The following CCDC60 variants were observed in gnomAD, a reference collection of about 807,000 sequenced individuals.
The protein encoded by CCDC60 is coiled-coil domain-containing protein 60.
Under a neutral mutation model 63.5 loss-of-function variants are expected in CCDC60, and 54 were observed. That is an observed-to-expected ratio of 0.85 (90% CI 0.68 to 1.07). The LOEUF is 1.07. Ranked by LOEUF, CCDC60 falls within the 50% of genes least tolerant of loss-of-function variation. The pLI is 0.00. For missense variants in CCDC60, 651 were observed against 684.3 expected (o/e 0.95, Z 0.54); for synonymous variants, 206 against 238.8 (o/e 0.86, Z 1.27).
intron 2 of CCDC60, among the ~76,000 whole-genome samples, chr12:119,439,867 C>A (rs955392132): frequency 6.6e-6 from 1 of 152,138 alleles, no homozygotes; most frequent in Non-Finnish European, 1.5e-5. Flanking sequence ...GGCCATATAG[C>A]CGACTAGACA....
At chr12:119,523,978 A>G (rs913182204) in intron 11 of CCDC60, among the ~76,000 whole-genome samples, 160 bp downstream of exon 11, 7 of 152,216 alleles carry the variant, frequency 4.6e-5, no homozygotes, top group Admixed American at 3.9e-4. Flanking sequence ...GCAGAAACAA[A>G]ATAACTGCAT....
intron 7 of CCDC60, among the ~76,000 whole-genome samples, chr12:119,509,503 A>T (rs1952150701): frequency 6.6e-6 from 1 of 152,146 alleles, no homozygotes; most frequent in Admixed American, 6.6e-5. Context: ...ACAACAATCA[A>T]CTGGAGCTTG....
intron 2 of CCDC60, among the ~76,000 whole-genome samples, chr12:119,436,243 G>A (rs991833026): frequency 6.6e-6 from 1 of 152,106 alleles, no homozygotes; most frequent in African/African-American, 2.4e-5. Context: ...CACTGGCCTT[G>A]GAGACATGAG....
chr12:119,454,027 C>T (rs1391716422), intron 2 of CCDC60, among the ~76,000 whole-genome samples: 1 of 152,100 alleles, frequency 6.6e-6, no homozygotes, highest in Non-Finnish European at 1.5e-5. Flanking sequence ...CAACAATGTC[C>T]CAGGATGGCT....
At chr12:119,533,503 T>C (rs143678234) in intron 13 of CCDC60, among the ~76,000 whole-genome samples, 3,213 of 152,356 alleles carry the variant, frequency 0.021, 40 homozygotes, top group Non-Finnish European at 0.034. Flanking sequence ...CATGCCTATG[T>C]CCTGAATGGT....
chr12:119,504,952 C>A, intron 6 of CCDC60, 117 bp from the exon 7 acceptor site: 2 of 688,090 alleles, frequency 2.9e-6, no homozygotes, highest in Non-Finnish European at 4.9e-6. Flanking sequence ...CACAGTCAGA[C>A]CCAGGCTTTG....
At chr12:119,408,595 G>A (rs1403499289) in intron 1 of CCDC60, among the ~76,000 whole-genome samples, 1 of 152,192 alleles carries the variant, frequency 6.6e-6, no homozygotes, top group Non-Finnish European at 1.5e-5. Context: ...AGGCCGAGGT[G>A]GGTGGATCAC....
intron 2 of CCDC60, among the ~76,000 whole-genome samples, chr12:119,430,177 CACACACACACACACACACACACACAT>C (rs1286978583): frequency 1.3e-3 from 24 of 18,790 alleles, no homozygotes; most frequent in African/African-American, 7.3e-3. Flanking sequence ...CACACATACA[CACACACACACACACACACACACACAT>C]ACACACACAC....
chr12:119,480,725 TCAC>T (rs779881155), intron 4 of CCDC60, among the ~76,000 whole-genome samples: 1 of 143,870 alleles, frequency 7.0e-6, no homozygotes, highest in Non-Finnish European at 1.5e-5. Context: ...ACCACCATCA[TCAC>T]CACCATCATC....
chr12:119,418,058 A>T (rs78597132), intron 1 of CCDC60, among the ~76,000 whole-genome samples: 2,727 of 152,290 alleles, frequency 0.018, 89 homozygotes, highest in African/African-American at 0.062. Context: ...CAAAAATAGT[A>T]CAACAGGCAG....
intron 2 of CCDC60, chr12:119,433,691 G>C: frequency 1.5e-6 from 1 of 666,140 alleles, no homozygotes; most frequent in East Asian, 2.7e-5. Context: ...TCCTGTTGGA[G>C]ACTAGCTCAC....
intron 5 of CCDC60, among the ~76,000 whole-genome samples, chr12:119,492,500 T>C (rs1951615126): frequency 6.6e-6 from 1 of 152,222 alleles, no homozygotes; most frequent in African/African-American, 2.4e-5. Flanking sequence ...TTTTCAGTTA[T>C]AAGAAAGCAG....
At chr12:119,510,119 C>G (rs1952173489) in intron 7 of CCDC60, among the ~76,000 whole-genome samples, 1 of 152,134 alleles carries the variant, frequency 6.6e-6, no homozygotes, top group African/African-American at 2.4e-5. Context: ...CTGCCTTTAC[C>G]CACTTACTTT....
chr12:119,347,064 C>T (rs1955605055), intron 1 of CCDC60, among the ~76,000 whole-genome samples: 1 of 151,958 alleles, frequency 6.6e-6, no homozygotes, highest in South Asian at 2.1e-4. Context: ...ACCTCGTGAT[C>T]CACCCACCTC....
At chr12:119,428,541 G>A in intron 1 of CCDC60, 142 bp from the exon 2 acceptor site, 1 of 582,174 alleles carries the variant, frequency 1.7e-6, no homozygotes, top group South Asian at 2.3e-5. Flanking sequence ...CCTCTTTGGT[G>A]TCAAGGTAGA....
Position 119,506,438 on chromosome 12 carries a change from CAAAAAAA to C in CCDC60, c.883+1154_883+1160del, listed in dbSNP as rs35584778. Among the ~76,000 whole-genome samples, 10 of 87,400 alleles carry C rather than the reference CAAAAAAA, an allele frequency of 1.1e-4. No individual in the cohort carries two copies. In the East Asian group the frequency reaches 2.1e-3, roughly 18 times the overall value. The allele number at this position is 87,400 out of a possible 152,430, so 57.3% of individuals were successfully genotyped here. On this transcript the variant is annotated intron_variant, in intron 7 of 13. Transcript: ENST00000327554. ...GGCAACGTGGTGAAACCTCATCTCT[CAAAAAAA>C]AAAAAAAAAAAAAAAAAATTAGCCA...
intron 1 of CCDC60, among the ~76,000 whole-genome samples, chr12:119,351,196 C>T (rs947741831): frequency 2.0e-4 from 30 of 152,186 alleles, no homozygotes; most frequent in South Asian, 8.3e-4. Flanking sequence ...GAAATTGCTT[C>T]GTAAGTGCCT....
chr12:119,531,352 G>T (rs527414127), intron 13 of CCDC60, among the ~76,000 whole-genome samples: 1 of 152,306 alleles, frequency 6.6e-6, no homozygotes, highest in Admixed American at 6.5e-5. Context: ...TGTACTCCAT[G>T]GACCAGCAGC....
chr12:119,477,935 G>GGA (rs368475876), intron 3 of CCDC60, among the ~76,000 whole-genome samples: 1 of 151,630 alleles, frequency 6.6e-6, no homozygotes, highest in African/African-American at 2.4e-5. Flanking sequence ...GAGAGAGAGA[G>GGA]GAGAGAGAGA....
Sources: allele counts gnomAD v4.1 joint callset (sites outside exome capture counted in the v4.1 genomes callset), GRCh38; gene constraint gnomAD v4.1.1; transcripts MANE v1.5; gene names NCBI Gene and HGNC (gene_info 2026-07-23, HGNC 2026-07-21).